ROBO2: variants seen among roughly 807,000 people sequenced by gnomAD.
ROBO2 encodes roundabout guidance receptor 2.
In ROBO2, 53 loss-of-function variants were observed where a neutral mutation model predicts 160.8. That is an observed-to-expected ratio of 0.33 (90% CI 0.26 to 0.41). The LOEUF (loss-of-function observed/expected upper bound fraction) is 0.41. ROBO2 is among the 10% of genes least tolerant of loss of function. The probability of loss-of-function intolerance (pLI) is 1.00; values close to 1 mark genes in which losing one functional copy is unlikely to be tolerated. For missense variants in ROBO2, 1,577 were observed against 1,722.4 expected (o/e 0.92, Z 1.49); for synonymous variants, 664 against 611.7 (o/e 1.09, Z -1.26).
chr3:77,262,004 A>G (rs2058807901), intron 2 of ROBO2, among the ~76,000 whole-genome samples: 1 of 151,984 alleles, frequency 6.6e-6, no homozygotes, highest in Non-Finnish European at 1.5e-5. Flanking sequence ...AAATTGATTG[A>G]TGTATTCTCA....
intron 2 of ROBO2, among the ~76,000 whole-genome samples, chr3:76,580,328 G>GTTTTTTTTTTTTT (rs748888426): frequency 3.0e-4 from 20 of 67,306 alleles, no homozygotes; most frequent in East Asian, 7.5e-4. Flanking sequence ...TTTTTTTTTT[G>GTTTTTTTTTTTTT]TTTTTTTTTT....
chr3:76,630,951 A>G (rs557256806), intron 2 of ROBO2, among the ~76,000 whole-genome samples: 6 of 152,280 alleles, frequency 3.9e-5, no homozygotes, highest in Non-Finnish European at 7.3e-5. Context: ...CGATGTCTAA[A>G]TTCACATCCT....
intron 2 of ROBO2, among the ~76,000 whole-genome samples, chr3:76,868,055 C>G (rs905089870): frequency 6.6e-6 from 1 of 152,138 alleles, no homozygotes; most frequent in Non-Finnish European, 1.5e-5. Context: ...TCATTTGGCT[C>G]CATTTTAGGA....
intron 2 of ROBO2, among the ~76,000 whole-genome samples, chr3:76,809,475 A>G (rs2064995302): frequency 6.6e-6 from 1 of 152,172 alleles, no homozygotes; most frequent in Non-Finnish European, 1.5e-5. Context: ...AGCCTTATAT[A>G]ACATAGCATA....
intron 2 of ROBO2, among the ~76,000 whole-genome samples, chr3:77,183,757 C>G (rs539732825): frequency 1.3e-5 from 2 of 152,152 alleles, no homozygotes; most frequent in East Asian, 3.9e-4. Flanking sequence ...TTTGTTCCAA[C>G]TGGAGTTTCT....
At chr3:76,572,712 C>T (rs1300571621) in intron 2 of ROBO2, among the ~76,000 whole-genome samples, 1 of 152,166 alleles carries the variant, frequency 6.6e-6, no homozygotes, top group African/African-American at 2.4e-5. Context: ...GACTCCACAA[C>T]TTTATTCTGA....
intron 2 of ROBO2, among the ~76,000 whole-genome samples, chr3:76,269,601 AG>A (rs1707308563): frequency 6.7e-6 from 1 of 149,234 alleles, no homozygotes; most frequent in Non-Finnish European, 1.5e-5. Flanking sequence ...AAAAAAAAAC[AG>A]AGTAAATGAA....
intron 2 of ROBO2, among the ~76,000 whole-genome samples, chr3:77,368,873 A>T (rs769152485): frequency 5.7e-4 from 87 of 152,316 alleles, no homozygotes; most frequent in Non-Finnish European, 1.1e-3. Context: ...ATTCATATAT[A>T]TGAATACATG....
intron 2 of ROBO2, among the ~76,000 whole-genome samples, chr3:76,006,537 C>T (rs961567435): frequency 1.6e-4 from 24 of 152,176 alleles, no homozygotes; most frequent in Admixed American, 7.2e-4. Flanking sequence ...TTTTGTTTTC[C>T]TCTCTGCAGC....
At chr3:77,018,598 A>G (rs1472776432) in intron 2 of ROBO2, among the ~76,000 whole-genome samples, 1 of 152,208 alleles carries the variant, frequency 6.6e-6, no homozygotes, top group Non-Finnish European at 1.5e-5. Context: ...AATATTTTAC[A>G]TCACTACATA....
chr3:76,034,795 GTTCCA>G (rs1559853443), intron 2 of ROBO2, among the ~76,000 whole-genome samples: 8 of 151,994 alleles, frequency 5.3e-5, no homozygotes. Context: ...GCCTTGCCTG[GTTCCA>G]GCTATCATTC....
intron 2 of ROBO2, among the ~76,000 whole-genome samples, chr3:76,168,124 G>T (rs1476340415): frequency 1.3e-5 from 2 of 152,228 alleles, no homozygotes; most frequent in African/African-American, 4.8e-5. Context: ...GAAACCTAGG[G>T]AGAAAGAAAT....
intron 2 of ROBO2, among the ~76,000 whole-genome samples, chr3:76,333,975 C>T (rs1389048615): frequency 6.6e-6 from 1 of 152,100 alleles, no homozygotes; most frequent in African/African-American, 2.4e-5. Flanking sequence ...GGGAACATCA[C>T]ACACTGGGGC....
chr3:76,414,320 ACT>A (rs1322523693), intron 2 of ROBO2, among the ~76,000 whole-genome samples: 3 of 151,610 alleles, frequency 2.0e-5, no homozygotes, highest in Admixed American at 6.6e-5. Flanking sequence ...TTAACACTCA[ACT>A]CTCTATTTTC....
rs191610660 is a variant in ROBO2, at chr3:77,325,592, G to A, written c.389-151822G>A. Among the ~76,000 whole-genome samples the A allele has an allele frequency of 2.6e-5, 4 of 152,242 alleles. No homozygotes were observed. The East Asian group carries it at 7.7e-4, about 29-fold the overall frequency. ...CAGCATAAAATTATTTGATAGCTCT[G>A]CATCTTGGGCAAAATGTGAATCTAT... On this transcript the variant is annotated intron_variant, in intron 2 of 25. Coordinates refer to ENST00000461745, the Ensembl canonical transcript of ROBO2.
At chr3:76,761,763 A>G (rs1334863993) in intron 2 of ROBO2, among the ~76,000 whole-genome samples, 4 of 151,686 alleles carry the variant, frequency 2.6e-5, no homozygotes, top group Non-Finnish European at 4.4e-5. Context: ...TTGATAGAAC[A>G]TTGAATTTAG....
chr3:76,299,384 A>G (rs917772790), intron 2 of ROBO2, among the ~76,000 whole-genome samples: 2 of 152,150 alleles, frequency 1.3e-5, no homozygotes, highest in Non-Finnish European at 2.9e-5. Context: ...TAAAGTGGTT[A>G]TTAGAACAAA....
intron 2 of ROBO2, among the ~76,000 whole-genome samples, chr3:76,475,464 A>G (rs2078884624): frequency 6.6e-6 from 1 of 152,122 alleles, no homozygotes; most frequent in African/African-American, 2.4e-5. Context: ...ATTTTGACAG[A>G]AAAACTTACA....
intron 2 of ROBO2, among the ~76,000 whole-genome samples, chr3:76,965,711 A>G (rs1212671220): frequency 1.3e-5 from 2 of 149,594 alleles, no homozygotes; most frequent in African/African-American, 4.9e-5. Flanking sequence ...TAAGGATTAG[A>G]GATGTCTGTA....
Sources: allele counts gnomAD v4.1 joint callset (sites outside exome capture counted in the v4.1 genomes callset), GRCh38; gene constraint gnomAD v4.1.1; transcripts MANE v1.5; gene names NCBI Gene and HGNC (gene_info 2026-07-23, HGNC 2026-07-21).